Variants in NRK observed in about 807,000 individuals in gnomAD.
NRK encodes the protein Nik related kinase.
A neutral mutation model predicts 125.2 loss-of-function variants in NRK; 67 were observed. That is an observed-to-expected ratio of 0.54 (90% CI 0.44 to 0.66). The LOEUF (loss-of-function observed/expected upper bound fraction) is 0.66, where lower values mean the gene tolerates loss of function less well. NRK is among the 30% of genes least tolerant of loss of function. The pLI is 0.00. For synonymous variants in NRK, 458 were observed against 429.0 expected (o/e 1.07, Z -0.84); for missense variants, 1,224 against 1,192.9 (o/e 1.03, Z -0.38).
At position 105,829,227 on chromosome X, in the gene NRK, T is replaced by C. The variant is rs759559138; in HGVS notation, c.58-1827T>C. Among the ~76,000 whole-genome samples, 19 of 112,259 alleles carry C rather than the reference T, an allele frequency of 1.7e-4. 1 individual carries two copies. Among genetic ancestry groups the C allele is most frequent in the African/African-American group, 5.8e-4 (18 of 30,995 alleles). On this transcript the variant is annotated intron_variant, in intron 1 of 28. Transcript: ENST00000243300. ...GACTCTCTGTCCAGTTGAATACTTA[T>C]TGAATGATGTAATCCCAAAGCTGTG...
chrX:105,946,851 G>A (rs113010733), intron 26 of NRK, among the ~76,000 whole-genome samples: 3 of 111,819 alleles, frequency 2.7e-5, no homozygotes, highest in African/African-American at 9.7e-5. Flanking sequence ...GATGGGATAT[G>A]TGCTCTACAT....
At chrX:105,832,278 A>G (rs1214979749) in intron 2 of NRK, among the ~76,000 whole-genome samples, 2 of 111,361 alleles carry the variant, frequency 1.8e-5, no homozygotes, top group African/African-American at 3.3e-5. Flanking sequence ...TAACCAAGAA[A>G]AGGTGTGGTT....
chrX:105,940,226 A>C (rs904098126), intron 23 of NRK, among the ~76,000 whole-genome samples, 194 bp downstream of exon 23: 1 of 111,295 alleles, frequency 9.0e-6, no homozygotes, highest in Non-Finnish European at 1.9e-5. Flanking sequence ...TTTCACTGAC[A>C]CATCTTCCAG....
chrX:105,924,952 A>G lies in NRK; in HGVS notation c.3233A>G (p.Asn1078Ser). 1 of 1,211,320 alleles carries G rather than the reference A, an allele frequency of 8.3e-7. No homozygotes were observed. Among genetic ancestry groups the G allele is most frequent in the Non-Finnish European group, 1.1e-6 (1 of 895,027 alleles). ...TSEESGALGL[N>S]GEENCSETDG... ...GAAGAGAGTGGAGCCCTTGGACTCAATGGAGAAGAAAATTGCTCAGAGACA... is the reference window on the plus strand; with the variant it reads ...GAAGAGAGTGGAGCCCTTGGACTCAGTGGAGAAGAAAATTGCTCAGAGACA... The change falls in exon 19 of 29, where the codon AAT becomes AGT. Residue 1078 changes from asparagine to serine, a missense_variant. Physicochemically the swap from Asn to Ser is conservative, Grantham distance 46. Transcript: ENST00000243300.
At chrX:105,851,706 C>T (rs899470467) in intron 2 of NRK, among the ~76,000 whole-genome samples, 1 of 110,714 alleles carries the variant, frequency 9.0e-6, no homozygotes, top group Non-Finnish European at 1.9e-5. Flanking sequence ...CAAAGCAAAG[C>T]GAGATGTAGC....
At chrX:105,929,660 C>T (rs1364832756) in intron 19 of NRK, among the ~76,000 whole-genome samples, 1 of 110,614 alleles carries the variant, frequency 9.0e-6, no homozygotes, top group Non-Finnish European at 1.9e-5. Flanking sequence ...TTCTATTTCA[C>T]CTTTCTATAC....
At chrX:105,830,314 CAAAAAAAAAA>C (rs71932033) in intron 1 of NRK, among the ~76,000 whole-genome samples, 17 of 11,039 alleles carry the variant, frequency 1.5e-3, no homozygotes, top group East Asian at 3.9e-3. Flanking sequence ...AACTCCGTCG[CAAAAAAAAAA>C]AAAAAAAAAA....
At chrX:105,833,448 GGTGT>G (rs2039221160) in intron 2 of NRK, among the ~76,000 whole-genome samples, 3 of 110,835 alleles carry the variant, frequency 2.7e-5, no homozygotes, top group Admixed American at 1.9e-4. Flanking sequence ...AGTTCCTTAG[GGTGT>G]GTGTGTAAGT....
At chrX:105,944,755 G>A (rs1313632303) in intron 24 of NRK, among the ~76,000 whole-genome samples, 7 of 111,905 alleles carry the variant, frequency 6.3e-5, no homozygotes, top group Non-Finnish European at 1.3e-4. Flanking sequence ...GCCACAATAT[G>A]TGGGTATGGG....
At chrX:105,862,069 C>T (rs1054095524) in intron 2 of NRK, among the ~76,000 whole-genome samples, 1 of 92,841 alleles carries the variant, frequency 1.1e-5, no homozygotes, top group Non-Finnish European at 2.1e-5. Flanking sequence ...ATCTATCTAT[C>T]TATTGATCTA....
intron 2 of NRK, among the ~76,000 whole-genome samples, chrX:105,873,577 A>G (rs1404090056): frequency 9.0e-6 from 1 of 111,681 alleles, no homozygotes; most frequent in Non-Finnish European, 1.9e-5. Context: ...TTACACTGAA[A>G]TTTCTGGCAT....
rs745850463 is a variant in NRK at position 105,945,995 on chromosome X, C to T, written c.4183C>T (p.Leu1395Phe). The change falls in exon 25 of 29, where the codon CTT becomes TTT. Residue 1395 changes from leucine (L) to phenylalanine (F), a missense_variant. Coordinates refer to ENST00000243300, the MANE Select transcript of NRK (RefSeq NM_198465.4). Reference sequence around the variant, plus strand: ...CCGGTTTAAGAGACCAGATGAGCTCCTTCATTTGCTGAAGCTCAAGGCAAG... The same window carrying T: ...CCGGTTTAAGAGACCAGATGAGCTCTTTCATTTGCTGAAGCTCAAGGCAAG... ...VNRFKRPDEL[L>F]HLLKLKVFPT... is the part of the protein sequence containing the mutation. 1 of 1,209,594 alleles carries T rather than the reference C, an allele frequency of 8.3e-7. No homozygotes were observed. Among genetic ancestry groups the T allele is most frequent in the South Asian group, 1.8e-5 (1 of 56,595 alleles).
rs777872994 is a variant in NRK, at chrX:105,898,690, C to T, written c.687C>T (p.Asp229=). ...CTGAGGTGATTGACTGTGATGAGGACCCAAGACGCTCCTATGATTACAGAG... is the reference window on the plus strand; with the variant it reads ...CTGAGGTGATTGACTGTGATGAGGATCCAAGACGCTCCTATGATTACAGAG... ...MAPEVIDCDE[D]PRRSYDYRSD... Residue 229 remains aspartate, a synonymous_variant, in exon 8 of 29, where the codon GAC becomes GAT. Coordinates refer to ENST00000243300, the MANE Select transcript of NRK (RefSeq NM_198465.4). 3.4e-6 allele frequency: 4 copies of T among 1,191,034 alleles called. No homozygotes were observed.
chrX:105,880,307 G>T, intron 3 of NRK, 52 bp downstream of exon 3: 1 of 489,767 alleles, frequency 2.0e-6, no homozygotes, highest in South Asian at 5.4e-5. Flanking sequence ...TGTGTTCCTG[G>T]GATACACAAC....
In NRK at chrX:105,941,751, C is replaced by A. The variant is rs373739388; in HGVS notation, c.3958+1719C>A. Among the ~76,000 whole-genome samples, 6 of 111,292 alleles carry A rather than the reference C, an allele frequency of 5.4e-5. No homozygotes were observed. The East Asian group carries it at 8.5e-4, about 16-fold the overall frequency. On this transcript the variant is annotated intron_variant, in intron 23 of 28. Transcript: ENST00000243300. The stretch of plus-strand genomic sequence containing the variant: ...CTTTTTAATTTACCTTTTAAAATAA[C>A]CCTATTGAAATAATGTACATACCAT...
chrX:105,943,556 A>G (rs1438893006), intron 23 of NRK, among the ~76,000 whole-genome samples: 3 of 112,190 alleles, frequency 2.7e-5, no homozygotes, highest in Admixed American at 9.4e-5. Context: ...CATTTCTTCA[A>G]TAAAAGGCCA....
intron 9 of NRK, 74 bp from the exon 10 acceptor site, chrX:105,905,190 TC>T (rs1251025998): frequency 5.6e-6 from 4 of 708,238 alleles, no homozygotes; most frequent in South Asian, 2.3e-5. Flanking sequence ...TCACTGAGAA[TC>T]CCCTCTGGAA....
rs1483160481 is a variant in NRK at position 105,947,384 on chromosome X, A to G, written c.4353+920A>G. 4.1e-5 allele frequency among the ~76,000 whole-genome samples: 2 copies of G among 49,199 alleles called. 1 individual carries two copies. Among genetic ancestry groups the G allele is most frequent in the African/African-American group, 4.3e-4 (2 of 4,598 alleles). 42.7% of individuals were successfully genotyped at this position (49,199 alleles called of 115,157 possible). A position where few individuals can be genotyped will look rare whatever the true frequency, so the allele number is the denominator to read the frequency against. On this transcript the variant is annotated intron_variant, in intron 26 of 28. Coordinates refer to ENST00000243300, the MANE Select transcript of NRK (RefSeq NM_198465.4). ...CGTGAACCCGGGAGGCGGAGCTTGC[A>G]GTGAGCCGAGATCCCGCCACTGCAC...
intron 2 of NRK, among the ~76,000 whole-genome samples, chrX:105,865,159 G>A (rs1289416114): frequency 1.8e-5 from 2 of 111,668 alleles, no homozygotes; most frequent in Non-Finnish European, 3.8e-5. Flanking sequence ...ACTCTGATGA[G>A]ACAATTATAA....
Sources: allele counts gnomAD v4.1 joint callset (sites outside exome capture counted in the v4.1 genomes callset), GRCh38; gene constraint gnomAD v4.1.1; transcripts MANE v1.5; gene names NCBI Gene and HGNC (gene_info 2026-07-23, HGNC 2026-07-21).